The following CALCOCO2 variants were observed in gnomAD, a reference collection of about 807,000 sequenced individuals.
CALCOCO2 encodes the protein calcium-binding and coiled-coil domain-containing protein 2.
In CALCOCO2, 42 loss-of-function variants were observed where a neutral mutation model predicts 62.5. The observed-to-expected ratio is 0.67, with a 90% CI of 0.53 to 0.87. The LOEUF (loss-of-function observed/expected upper bound fraction) is 0.87, where lower values mean the gene tolerates loss of function less well. Among genes scored for constraint, CALCOCO2 ranks in the 40% least tolerant of loss-of-function variants. The pLI, the probability that CALCOCO2 is intolerant of heterozygous loss-of-function variation, is 0.00. For missense variants in CALCOCO2, 456 were observed against 515.0 expected (o/e 0.89, Z 1.11); for synonymous variants, 167 against 173.0 (o/e 0.97, Z 0.27).
At chr17:48,846,392 C>A in intron 2 of CALCOCO2, 1 of 763,208 alleles carries the variant, frequency 1.3e-6, no homozygotes, top group East Asian at 2.7e-5. Context: ...AAGCAGTCTG[C>A]TTTCCTTCCC....
chr17:48,857,818 CA>C (rs202087748), intron 10 of CALCOCO2, among the ~76,000 whole-genome samples: 15 of 142,298 alleles, frequency 1.1e-4, no homozygotes, highest in South Asian at 2.3e-4. Flanking sequence ...ACTAAAAATA[CA>C]AAAAAAAAAT....
chr17:48,842,154 CTTTTTTT>C (rs200836727), intron 2 of CALCOCO2: 67,293 of 136,770 alleles, frequency 0.49, 14,748 homozygotes, highest in East Asian at 0.78. Context: ...TTTTTCTTTT[CTTTTTTT>C]TTTTTTTTTT....
chr17:48,841,579 C>T, intron 1 of CALCOCO2, 119 bp from the exon 2 acceptor site: 1 of 580,664 alleles, frequency 1.7e-6, no homozygotes, highest in Non-Finnish European at 2.9e-6. Context: ...CAGTATTTGT[C>T]AGGATTTTGC....
intron 1 of CALCOCO2, among the ~76,000 whole-genome samples, chr17:48,838,061 G>A (rs1004990425): frequency 1.3e-5 from 2 of 152,090 alleles, no homozygotes; most frequent in African/African-American, 4.8e-5. Context: ...TTAGGCCGGG[G>A]GCATCAGCAA....
At chr17:48,860,548 T>G in intron 11 of CALCOCO2, 99 bp downstream of exon 11, 1 of 1,017,016 alleles carries the variant, frequency 9.8e-7, no homozygotes, top group Non-Finnish European at 1.5e-6. Flanking sequence ...CCAGTCTCAT[T>G]GTTAAGACTT....
chr17:48,842,040 A>T (rs1276072214), intron 2 of CALCOCO2, 153 bp downstream of exon 2: 5 of 483,170 alleles, frequency 1.0e-5, no homozygotes, highest in Admixed American at 8.1e-5. Context: ...CTCTCTTCAC[A>T]CATTAATGTG....
intron 1 of CALCOCO2, among the ~76,000 whole-genome samples, chr17:48,838,781 C>T (rs1156449790): frequency 6.6e-6 from 1 of 151,990 alleles, no homozygotes; most frequent in East Asian, 1.9e-4. Flanking sequence ...CAGCATATAC[C>T]AATAGCTGAA....
chr17:48,852,516 C>A lies in CALCOCO2; in HGVS notation c.713C>A (p.Ser238Ter). ...CTATTTTTGTTTTAGGCCCAGCTGT[C>A]AACTCAAGAGAAAGAAATGGAGAAG... ...IRVDQLQAQL[S>*]TQEKEMEKLV... Residue 238 changes from serine to a stop codon, truncating the protein, a stop_gained, in exon 8 of 13, where the codon TCA becomes TAA. Coordinates refer to ENST00000258947, the MANE Select transcript of CALCOCO2 (RefSeq NM_005831.5). LOFTEE classifies it high-confidence loss of function. 6.2e-7 allele frequency: 1 copy of A among 1,613,094 alleles called. No homozygotes were observed. Among genetic ancestry groups the A allele is most frequent in the South Asian group, 1.1e-5 (1 of 90,974 alleles).
Position 48,851,164 on chromosome 17 carries a change from A to T in CALCOCO2, c.619A>T (p.Thr207Ser), listed in dbSNP as rs757300435. Residue 207 changes from threonine to serine, a missense_variant, in exon 6 of 13, where the codon ACA (threonine) becomes TCA (serine). By Grantham distance (58) the Thr-to-Ser change is moderately conservative. This residue lies in a region of CALCOCO2 where 236 missense variants were observed against 225.3 expected (regional missense o/e 1.05). Coordinates refer to ENST00000258947, the MANE Select transcript of CALCOCO2 (RefSeq NM_005831.5). ...KVKEQKDYWETELLQLKEQNQ... is the reference protein window; with the variant it reads ...KVKEQKDYWESELLQLKEQNQ... ...GAAAGAACAGAAGGACTATTGGGAGACAGAGCTGCTTCAGTGAGTGCATCC... is the reference window on the plus strand; with the variant it reads ...GAAAGAACAGAAGGACTATTGGGAGTCAGAGCTGCTTCAGTGAGTGCATCC... The T allele has an allele frequency of 6.2e-7, 1 of 1,601,262 alleles. No homozygotes were observed. The highest frequency in any genetic ancestry group is 1.1e-5 in the South Asian group (1 of 90,782).
At chr17:48,847,452 A>T (rs1255272117) in intron 2 of CALCOCO2, among the ~76,000 whole-genome samples, 3 of 152,050 alleles carry the variant, frequency 2.0e-5, no homozygotes, top group Non-Finnish European at 4.4e-5. Context: ...GAATTTTTGG[A>T]GCTTTTTTCC....
Position 48,860,506 on chromosome 17 carries a change from C to A in CALCOCO2, c.1144+57C>A, listed in dbSNP as rs560690355. 9.1e-5 allele frequency: 142 copies of A among 1,564,884 alleles called. No homozygotes were observed. The African/African-American group carries it at 1.8e-3, about 19-fold the overall frequency. ...ACCCTGCCTGCATCCCTTTCCCCTA[C>A]TAAATTTTTGTTTCTGAGGTGCTAA... On this transcript the variant is annotated intron_variant, in intron 11 of 12. Transcript: ENST00000258947.
chr17:48,861,187 G>A (rs1223843121), intron 11 of CALCOCO2, among the ~76,000 whole-genome samples: 1 of 152,084 alleles, frequency 6.6e-6, no homozygotes, highest in South Asian at 2.1e-4. Context: ...GGCTAACGTG[G>A]TGAAACCCTG....
At chr17:48,855,899 A>C in intron 9 of CALCOCO2, 193 bp from the exon 10 acceptor site, 4 of 304,472 alleles carry the variant, frequency 1.3e-5, no homozygotes, top group Non-Finnish European at 1.8e-5. Context: ...TCTTGATGCC[A>C]GCTCAGGCCT....
intron 11 of CALCOCO2, 140 bp downstream of exon 11, chr17:48,860,589 G>T: frequency 6.0e-6 from 4 of 670,702 alleles, no homozygotes; most frequent in Non-Finnish European, 7.7e-6. Flanking sequence ...CCAGTAGAAA[G>T]ATTGCCAGGC....
intron 2 of CALCOCO2, 25 bp from the exon 3 acceptor site, chr17:48,848,038 TA>T (rs767090472): frequency 7.5e-7 from 1 of 1,332,000 alleles, no homozygotes; most frequent in South Asian, 1.2e-5. Context: ...TTTCAGGTAC[TA>T]AATAAGAACT....
chr17:48,833,857 G>A (rs149610745), intron 1 of CALCOCO2, among the ~76,000 whole-genome samples: 3 of 151,788 alleles, frequency 2.0e-5, no homozygotes, highest in African/African-American at 2.4e-5. Context: ...GGCTGGGCAC[G>A]GTAGCTCATG....
At chr17:48,862,777 TG>T in intron 12 of CALCOCO2, 60 bp from the exon 13 acceptor site, 1 of 1,383,300 alleles carries the variant, frequency 7.2e-7, no homozygotes, top group South Asian at 1.2e-5. Context: ...GAAGACAGGA[TG>T]GCCACATCTG....
chr17:48,838,671 G>A (rs1219215738), intron 1 of CALCOCO2, among the ~76,000 whole-genome samples: 3 of 151,892 alleles, frequency 2.0e-5, no homozygotes, highest in Non-Finnish European at 4.4e-5. Context: ...CCGAGATCGC[G>A]CCACTGCACT....
At chr17:48,842,080 G>A in intron 2 of CALCOCO2, 193 bp downstream of exon 2, 1 of 360,610 alleles carries the variant, frequency 2.8e-6, no homozygotes, top group Non-Finnish European at 5.0e-6. Context: ...TCATTTCAGT[G>A]TCAAGCTAAA....
Sources: allele counts gnomAD v4.1 joint callset (sites outside exome capture counted in the v4.1 genomes callset), GRCh38; gene constraint gnomAD v4.1.1; regional missense constraint gnomAD v4.1.1; transcripts MANE v1.5; gene names NCBI Gene and HGNC (gene_info 2026-07-23, HGNC 2026-07-21).